SOCS7: variants seen among roughly 807,000 people sequenced by gnomAD.
SOCS7 encodes the protein NAP-4.
A neutral mutation model predicts 58.9 loss-of-function variants in SOCS7; 18 were observed. The observed-to-expected ratio is 0.31, with a 90% CI of 0.21 to 0.45. The LOEUF (loss-of-function observed/expected upper bound fraction) is 0.45, where lower values mean the gene tolerates loss of function less well. SOCS7 is among the 20% of genes least tolerant of loss of function. The pLI is 1.00. For synonymous variants in SOCS7, 388 were observed against 364.3 expected, an observed-to-expected ratio of 1.06 and a Z score of -0.74; for missense variants, 667 against 837.3, an observed-to-expected ratio of 0.80 and a Z score of 2.51.
Position 38,366,329 on chromosome 17 carries a change from T to C in SOCS7, c.1295T>C (p.Leu432Pro). 3 of 1,614,160 alleles carry C rather than the reference T, an allele frequency of 1.9e-6. No individual in the cohort carries two copies. The highest frequency in any genetic ancestry group is 1.1e-5 in the South Asian group (1 of 91,090). The change falls in exon 5 of 10, where the codon CTG becomes CCG. Residue 432 changes from leucine to proline, a missense_variant. Leu to Pro is a moderately conservative substitution (Grantham distance 98). Transcript: ENST00000612932. The part of the protein sequence containing the change: ...RIAPIRAAES[L>P]HSQPPQHLQC... ...GCTCCCATCCGAGCAGCTGAATCCC[T>C]GCACAGCCAACCCCCACAGCACCTC...
intron 7 of SOCS7, among the ~76,000 whole-genome samples, chr17:38,388,281 AAGGTAG>A (rs1454475559): frequency 1.3e-5 from 2 of 151,974 alleles, no homozygotes; most frequent in Non-Finnish European, 2.9e-5. Flanking sequence ...AAGGCCAAAG[AAGGTAG>A]ATTACTTGAG....
chr17:38,368,105 C>T, intron 6 of SOCS7, 55 bp downstream of exon 6: 1 of 1,478,126 alleles, frequency 6.8e-7, no homozygotes, highest in Non-Finnish European at 9.1e-7. Flanking sequence ...TCTACCTTTG[C>T]TGTCTGACTT....
intron 7 of SOCS7, 104 bp from the exon 8 acceptor site, chr17:38,395,196 TATATGAACC>T: frequency 9.2e-7 from 1 of 1,082,128 alleles, no homozygotes; most frequent in East Asian, 2.5e-5. Flanking sequence ...ACAGAATACA[TATATGAACC>T]ATAAAGAAGT....
intron 6 of SOCS7, among the ~76,000 whole-genome samples, chr17:38,372,977 A>G: frequency 6.6e-6 from 1 of 152,034 alleles, no homozygotes; most frequent in East Asian, 1.9e-4. Flanking sequence ...GTGGTGGCGC[A>G]TGCCTATAAT....
At chr17:38,378,071 C>T (rs1041670588) in intron 7 of SOCS7, among the ~76,000 whole-genome samples, 1 of 152,204 alleles carries the variant, frequency 6.6e-6, no homozygotes, top group African/African-American at 2.4e-5. Flanking sequence ...GAGAAAACTG[C>T]TTCCACCTCT....
chr17:38,390,517 A>G (rs1221847274), intron 7 of SOCS7, among the ~76,000 whole-genome samples: 1 of 152,138 alleles, frequency 6.6e-6, no homozygotes, highest in Non-Finnish European at 1.5e-5. Flanking sequence ...CAATTTGGGG[A>G]GGGAATATTG....
Position 38,352,808 on chromosome 17 carries a change from TCCCCCG to T in SOCS7, c.765_770del (p.Pro258_Pro259del). 2.6e-6 allele frequency: 4 copies of T among 1,547,622 alleles called. No individual in the cohort carries two copies. Among genetic ancestry groups the T allele is most frequent in the Admixed American group, 1.9e-5 (1 of 51,850 alleles). On this transcript the variant is annotated inframe_deletion, in exon 1 of 10. Transcript: ENST00000612932. This position sits in a 1 kb window ranked among gnomAD's most constrained non-coding sequence, Gnocchi z 5.5. ...AGCAGCAGCAGCAGCAGCAGCAACC[TCCCCCG>T]CCCCCGCCTCCTCCCGGGCCCCTCC...
At chr17:38,357,911 ATG>A (rs1006917402) in intron 1 of SOCS7, among the ~76,000 whole-genome samples, 4 of 152,196 alleles carry the variant, frequency 2.6e-5, no homozygotes, top group African/African-American at 9.7e-5. Context: ...GGTTACATCT[ATG>A]TGTTGTTGTT....
At chr17:38,355,420 A>G (rs983412233) in intron 1 of SOCS7, among the ~76,000 whole-genome samples, 13 of 152,142 alleles carry the variant, frequency 8.5e-5, no homozygotes, top group Admixed American at 2.0e-4. Flanking sequence ...ACAGCTTACT[A>G]TGTGCCAGTC....
rs1361747447 is a variant in SOCS7, at chr17:38,352,295, G to T, written c.243G>T (p.Ala81=). ...CGCCGGAGGAGGAGGACGTGGAGGC[G>T]GCCCCGGAGCCGGGACCCTCGGAAC... ...GRPPEEEDVE[A]APEPGPSELL... The change falls in exon 1 of 10, where the codon GCG becomes GCT. Residue 81 remains alanine, a synonymous_variant. Coordinates refer to ENST00000612932, the MANE Select transcript of SOCS7 (RefSeq NM_014598.4). The surrounding 1 kb of genome is among the most constrained non-coding windows in gnomAD (Gnocchi z 5.5). 1 of 1,487,560 alleles carries T rather than the reference G, an allele frequency of 6.7e-7. No homozygotes were observed. Among genetic ancestry groups the T allele is most frequent in the Admixed American group, 2.3e-5 (1 of 43,056 alleles). 92.1% of individuals were successfully genotyped at this position (1,487,560 alleles called of 1,614,324 possible).
chr17:38,392,207 A>T (rs1211531812), intron 7 of SOCS7, among the ~76,000 whole-genome samples: 1 of 152,218 alleles, frequency 6.6e-6, no homozygotes, highest in African/African-American at 2.4e-5. Flanking sequence ...AATATCAGAA[A>T]ATTAACAGGT....
At chr17:38,383,542 A>G (rs41327349) in intron 7 of SOCS7, among the ~76,000 whole-genome samples, 5,747 of 152,202 alleles carry the variant, frequency 0.038, 141 homozygotes, top group Middle Eastern at 0.19. Context: ...ATCCAGAGCA[A>G]GAACTGTCTT....
intron 9 of SOCS7, among the ~76,000 whole-genome samples, chr17:38,399,030 G>T (rs796532399): frequency 1.3e-5 from 2 of 151,178 alleles, no homozygotes; most frequent in South Asian, 4.2e-4. Flanking sequence ...GGAGATTGCA[G>T]TGAGCCAAGA....
intron 7 of SOCS7, among the ~76,000 whole-genome samples, chr17:38,393,067 C>T (rs542103170): frequency 7.9e-5 from 12 of 152,002 alleles, no homozygotes; most frequent in East Asian, 1.9e-4. Flanking sequence ...TGGAGTGCAG[C>T]GGCACAATCT....
intron 7 of SOCS7, among the ~76,000 whole-genome samples, chr17:38,391,166 A>T (rs1026292596): frequency 1.1e-4 from 16 of 152,242 alleles, no homozygotes; most frequent in African/African-American, 3.6e-4. Context: ...ATATCCTGTA[A>T]ACTTGCATAA....
At chr17:38,387,082 TAAAAAAA>T (rs1214323571) in intron 7 of SOCS7, among the ~76,000 whole-genome samples, 70 of 48,564 alleles carry the variant, frequency 1.4e-3, no homozygotes, top group East Asian at 3.4e-3. Flanking sequence ...ACTCTTATCT[TAAAAAAA>T]AAAAAAAAAA....
At chr17:38,398,925 TACTAAA>T (rs1490711909) in intron 9 of SOCS7, among the ~76,000 whole-genome samples, 3 of 152,060 alleles carry the variant, frequency 2.0e-5, no homozygotes, top group Admixed American at 1.3e-4. Flanking sequence ...ACCCTGTCTC[TACTAAA>T]AATACAAAAT....
rs979665756 is a variant in SOCS7 at position 38,401,239 on chromosome 17, T to A, written c.*1757T>A. 6.6e-6 allele frequency: 1 copy of A among 152,156 alleles called. No individual in the cohort carries two copies. Among genetic ancestry groups the A allele is most frequent in the Non-Finnish European group, 1.5e-5 (1 of 68,036 alleles). 9.4% of individuals were successfully genotyped at this position (152,156 alleles called of 1,614,324 possible). ...ACCATAAACACAGCCCACCTCTGATTTGTCATGTGGTACCTCTTCTTTCCT... is the reference window on the plus strand; with the variant it reads ...ACCATAAACACAGCCCACCTCTGATATGTCATGTGGTACCTCTTCTTTCCT... On this transcript the variant is annotated 3_prime_UTR_variant, in exon 10 of 10. Coordinates refer to ENST00000612932, the MANE Select transcript of SOCS7 (RefSeq NM_014598.4).
intron 6 of SOCS7, 98 bp from the exon 7 acceptor site, chr17:38,377,616 C>T (rs1000172442): frequency 5.5e-5 from 66 of 1,202,240 alleles, no homozygotes; most frequent in Admixed American, 2.8e-5. Flanking sequence ...CCAAACTGCC[C>T]TCCCAAAAGT....
Sources: allele counts gnomAD v4.1 joint callset (sites outside exome capture counted in the v4.1 genomes callset), GRCh38; gene constraint gnomAD v4.1.1; non-coding constraint Gnocchi (gnomAD v3.1); transcripts MANE v1.5; gene names NCBI Gene and HGNC (gene_info 2026-07-23, HGNC 2026-07-21).